Variants in DST observed in about 807,000 individuals in gnomAD.
DST encodes bullous pemphigoid antigen.
A neutral mutation model predicts 875.2 loss-of-function variants in DST; 253 were observed. That is an observed-to-expected ratio of 0.29 (90% CI 0.26 to 0.32). DST has a LOEUF of 0.32. Ranked by LOEUF, DST falls within the 10% of genes least tolerant of loss-of-function variation. The pLI, the probability that DST is intolerant of heterozygous loss-of-function variation, is 1.00. For synonymous variants in DST, 3,124 were observed against 3,197.1 expected, an observed-to-expected ratio of 0.98 and a Z score of 0.77; for missense variants, 8,287 against 9,111.6, an observed-to-expected ratio of 0.91 and a Z score of 3.68.
At chr6:56,562,408 T>C (rs2097550737) in intron 55 of DST, among the ~76,000 whole-genome samples, 1 of 151,924 alleles carries the variant, frequency 6.6e-6, no homozygotes, top group Non-Finnish European at 1.5e-5. Flanking sequence ...TCTTAAACAC[T>C]ACCATTTCAG....
chr6:56,627,044 C>T (rs553473330), intron 34 of DST, among the ~76,000 whole-genome samples, 160 bp downstream of exon 34: 40 of 152,064 alleles, frequency 2.6e-4, no homozygotes, highest in Non-Finnish European at 5.3e-4. Flanking sequence ...GGGGGGCTGT[C>T]ATGTGACTAA....
At chr6:56,759,375 G>A (rs1487457485) in intron 4 of DST, among the ~76,000 whole-genome samples, 1 of 151,932 alleles carries the variant, frequency 6.6e-6, no homozygotes, top group Non-Finnish European at 1.5e-5. Context: ...TGCTTTAATC[G>A]GGGAGGCAGA....
At chr6:56,711,758 G>C (rs1023784640) in intron 5 of DST, among the ~76,000 whole-genome samples, 5 of 152,060 alleles carry the variant, frequency 3.3e-5, no homozygotes, top group Non-Finnish European at 5.9e-5. Context: ...ATGAGAGAGA[G>C]AAGAACAGCT....
At chr6:56,504,717 T>C (rs142033244) in intron 77 of DST, among the ~76,000 whole-genome samples, 3,844 of 152,196 alleles carry the variant, frequency 0.025, 74 homozygotes, top group Non-Finnish European at 0.043. Context: ...TAAAATCATT[T>C]TGCCATTACT....
At chr6:56,763,466 G>A (rs1011495903) in intron 4 of DST, among the ~76,000 whole-genome samples, 14 of 151,908 alleles carry the variant, frequency 9.2e-5, no homozygotes, top group Non-Finnish European at 1.9e-4. Context: ...GAGGTCAGGA[G>A]TTCGAAACCA....
At chr6:56,753,310 G>T (rs527258548) in intron 4 of DST, among the ~76,000 whole-genome samples, 1 of 152,200 alleles carries the variant, frequency 6.6e-6, no homozygotes, top group Non-Finnish European at 1.5e-5. Context: ...ACAGAAAACA[G>T]TGAACAGAAC....
chr6:56,566,513 C>T (rs2097681604), intron 55 of DST, among the ~76,000 whole-genome samples: 1 of 152,198 alleles, frequency 6.6e-6, no homozygotes, highest in African/African-American at 2.4e-5. Context: ...TCTGCTCGCC[C>T]TCCGTGGGCT....
At chr6:56,893,039 G>A (rs1045519153) in intron 3 of DST, among the ~76,000 whole-genome samples, 4 of 152,168 alleles carry the variant, frequency 2.6e-5, no homozygotes, top group African/African-American at 9.7e-5. Flanking sequence ...TTGAGGTACA[G>A]GTGGTATTTG....
At chr6:56,521,572 T>C (rs2096705854) in intron 69 of DST, among the ~76,000 whole-genome samples, 1 of 147,500 alleles carries the variant, frequency 6.8e-6, no homozygotes, top group African/African-American at 2.5e-5. Flanking sequence ...AATGTTTCTT[T>C]GATCAAGTCA....
rs2152951987 is a variant in DST at position 56,751,101 on chromosome 6, G to A, written c.626-15812C>T. ...AATCTAAAAAAAAATCCAAACTTCA[G>A]ATGAAGATCAAAACAAGAAAATATT... On this transcript the variant is annotated intron_variant, in intron 4 of 103. Transcript: ENST00000680361. Among the ~76,000 whole-genome samples, 3 of 152,234 alleles carry A rather than the reference G, an allele frequency of 2.0e-5. No individual in the cohort carries two copies. The South Asian group carries it at 6.2e-4, about 32-fold the overall frequency.
At chr6:56,695,126 C>CAA (rs34456344) in intron 9 of DST, among the ~76,000 whole-genome samples, 30 of 70,000 alleles carry the variant, frequency 4.3e-4, no homozygotes, top group Middle Eastern at 9.4e-3. Flanking sequence ...GACTCCCTCT[C>CAA]AAAAAAAAAA....
rs762038263 is a variant in DST at position 56,501,711 on chromosome 6, T to G, written c.19567-18A>C. The G allele has an allele frequency of 5.9e-6, 9 of 1,537,114 alleles. No individual in the cohort carries two copies. In the Admixed American group the frequency reaches 1.3e-4, roughly 21 times the overall value. On this transcript the variant is annotated intron_variant, in intron 78 of 103. Transcript: ENST00000680361. ...TTAAATTGCTATTTTAAAAGAGATATACAAAGAAAATATTGTTAAAAATCA... is the reference window on the plus strand; with the variant it reads ...TTAAATTGCTATTTTAAAAGAGATAGACAAAGAAAATATTGTTAAAAATCA...
chr6:56,764,281 C>T lies in DST; in HGVS notation c.626-28992G>A, dbSNP rs116512502. Among the ~76,000 whole-genome samples the T allele has an allele frequency of 6.7e-3, 1,027 of 152,330 alleles. 7 individuals carry two copies. The highest frequency in any genetic ancestry group is 0.027 in the Middle Eastern group (8 of 294). ...TCACCAACAAGCAAAGCAACAAGCA[C>T]AATCTCCAAAACGTTTTCTCTTCAA... On this transcript the variant is annotated intron_variant, in intron 4 of 103. Transcript: ENST00000680361.
At chr6:56,709,726 C>T (rs1478871672) in intron 5 of DST, among the ~76,000 whole-genome samples, 1 of 152,100 alleles carries the variant, frequency 6.6e-6, no homozygotes, top group Non-Finnish European at 1.5e-5. Context: ...CTCTTGAAGC[C>T]TGTAATCTGA....
Position 56,842,734 on chromosome 6 carries a change from C to T in DST, c.625+8663G>A, listed in dbSNP as rs142623606. On this transcript the variant is annotated intron_variant, in intron 4 of 103. Transcript: ENST00000680361. ...TCCCATAGAGAATAATCGGTATCCACCCTCCCAGGAAGAATTATGATTACG... is the reference window on the plus strand; with the variant it reads ...TCCCATAGAGAATAATCGGTATCCATCCTCCCAGGAAGAATTATGATTACG... Among the ~76,000 whole-genome samples, 16 of 152,182 alleles carry T rather than the reference C, an allele frequency of 1.1e-4. No individual in the cohort carries two copies. The East Asian group carries it at 3.1e-3, about 29-fold the overall frequency.
intron 2 of DST, 116 bp downstream of exon 2, chr6:56,953,669 G>C: frequency 1.4e-6 from 1 of 704,900 alleles, no homozygotes; most frequent in South Asian, 1.8e-5. Context: ...TTCGGCTAGG[G>C]GACAGCATGT....
rs767731448 is a variant in DST, at chr6:56,506,501, C to T, written c.19406G>A (p.Arg6469Gln). ...CATTGCCTCCTCAAGTTTGTCAATCCGGTCTTTCCAAGCTTTATTTAGAGA... is the reference window on the plus strand; with the variant it reads ...CATTGCCTCCTCAAGTTTGTCAATCTGGTCTTTCCAAGCTTTATTTAGAGA... ...WDSLNKAWKD[R>Q]IDKLEEAMQA... is the part of the protein sequence containing the mutation. Residue 6469 changes from arginine (R) to glutamine (Q), a missense_variant, in exon 77 of 104, where the codon CGG (arginine) becomes CAG (glutamine). By Grantham distance (43) the Arg-to-Gln change is conservative (BLOSUM62 1). Around this residue, in one of 10 missense-constraint regions of DST, gnomAD observed 1,292 missense variants for 1,552.7 expected, o/e 0.83. Transcript: ENST00000680361. The T allele has an allele frequency of 5.5e-5, 89 of 1,612,992 alleles. No homozygotes were observed. Among genetic ancestry groups the T allele is most frequent in the Admixed American group, 1.3e-4 (8 of 59,864 alleles).
At chr6:56,517,064 C>T (rs1454531776) in intron 71 of DST, 134 bp downstream of exon 71, 4 of 695,300 alleles carry the variant, frequency 5.8e-6, no homozygotes, top group South Asian at 1.7e-5. Flanking sequence ...TTGAAAAATG[C>T]CTTATTTAAA....
At position 56,459,182 on chromosome 6, in the gene DST, T is replaced by C; in HGVS notation, c.23280A>G (p.Ala7760=). ...SRASSRRGSD[A]SDFDISEIQS... ...GGATTTCTGAAATGTCAAAGTCTGATGCATCACTGCCTCGGCGGCTGCTGG... is the reference window on the plus strand; with the variant it reads ...GGATTTCTGAAATGTCAAAGTCTGACGCATCACTGCCTCGGCGGCTGCTGG... The change falls in exon 104 of 104, where the codon GCA becomes GCG. Residue 7760 remains alanine (A), a synonymous_variant. Transcript: ENST00000680361. The C allele has an allele frequency of 6.2e-7, 1 of 1,614,020 alleles. No individual in the cohort carries two copies. The highest frequency in any genetic ancestry group is 8.5e-7 in the Non-Finnish European group (1 of 1,179,898).
Sources: allele counts gnomAD v4.1 joint callset (sites outside exome capture counted in the v4.1 genomes callset), GRCh38; gene constraint gnomAD v4.1.1; regional missense constraint gnomAD v4.1.1; transcripts MANE v1.5; gene names NCBI Gene and HGNC (gene_info 2026-07-23, HGNC 2026-07-21).